Variants in PLXDC2 observed in about 807,000 individuals in gnomAD.
PLXDC2 encodes the protein plexin domain-containing protein 2.
Under a neutral mutation model 68.9 loss-of-function variants are expected in PLXDC2, and 40 were observed. The observed-to-expected ratio is 0.58, with a 90% confidence interval of 0.45 to 0.76. PLXDC2 has a LOEUF of 0.76. Ranked by LOEUF, PLXDC2 falls within the 30% of genes least tolerant of loss-of-function variation. The pLI is 0.00. For missense variants in PLXDC2, 644 were observed against 661.9 expected (o/e 0.97, Z 0.30); for synonymous variants, 243 against 234.2 (o/e 1.04, Z -0.34).
intron 1 of PLXDC2, among the ~76,000 whole-genome samples, chr10:19,970,230 G>A (rs944071658): frequency 2.6e-5 from 4 of 152,054 alleles, no homozygotes; most frequent in Admixed American, 1.3e-4. Flanking sequence ...AGTTTATTCC[G>A]GTCATGAATG....
intron 4 of PLXDC2, among the ~76,000 whole-genome samples, chr10:20,083,695 A>T (rs1008714316): frequency 2.0e-5 from 3 of 152,086 alleles, no homozygotes; most frequent in African/African-American, 7.2e-5. Context: ...TTATTTCCAA[A>T]TTTTTTAGAG....
chr10:20,096,781 T>C (rs1204665526), intron 4 of PLXDC2, among the ~76,000 whole-genome samples: 2 of 152,142 alleles, frequency 1.3e-5, no homozygotes, highest in African/African-American at 4.8e-5. Context: ...AACTTGAAAA[T>C]CCAAGCAGAT....
At chr10:19,996,736 T>C (rs1294913022) in intron 1 of PLXDC2, among the ~76,000 whole-genome samples, 1 of 152,158 alleles carries the variant, frequency 6.6e-6, no homozygotes, top group African/African-American at 2.4e-5. Flanking sequence ...GGGGGTTTAA[T>C]GGACTTACAG....
At chr10:20,076,781 A>G (rs1020658593) in intron 4 of PLXDC2, among the ~76,000 whole-genome samples, 1 of 152,184 alleles carries the variant, frequency 6.6e-6, no homozygotes, top group Admixed American at 6.5e-5. Flanking sequence ...GTAGAATAGC[A>G]TGTAAATAAC....
At chr10:20,163,048 C>A (rs10764208) in intron 6 of PLXDC2, among the ~76,000 whole-genome samples, 133,047 of 152,056 alleles carry the variant, frequency 0.87, 58,484 homozygotes, top group Non-Finnish European at 0.91. Context: ...TGGAGTGAGA[C>A]TGTCCCAAAA....
chr10:20,130,727 T>C (rs549494298), intron 4 of PLXDC2, among the ~76,000 whole-genome samples: 1 of 152,190 alleles, frequency 6.6e-6, no homozygotes, highest in Non-Finnish European at 1.5e-5. Context: ...GTCAAATGCT[T>C]TTTTGCATAT....
intron 1 of PLXDC2, among the ~76,000 whole-genome samples, chr10:19,869,840 T>G (rs912041129): frequency 1.3e-5 from 2 of 152,248 alleles, no homozygotes; most frequent in East Asian, 3.9e-4. Context: ...CAGCTCGCCT[T>G]ACGTTATTGG....
At chr10:20,189,148 A>G (rs1834725765) in intron 9 of PLXDC2, among the ~76,000 whole-genome samples, 1 of 76,092 alleles carries the variant, frequency 1.3e-5, no homozygotes, top group African/African-American at 3.2e-5. Flanking sequence ...TCCAAACCTG[A>G]GTTTAACAAA....
rs151241808 is a variant in PLXDC2, at chr10:20,109,211, C to T, written c.542-34084C>T. On this transcript the variant is annotated intron_variant, in intron 4 of 13. Coordinates refer to ENST00000377252, the MANE Select transcript of PLXDC2 (RefSeq NM_032812.9). ...TGCTTATGCCAGTTAATCTTAATAT[C>T]AAGATGAGTTTTCACCCTCTTGTTG... Among the ~76,000 whole-genome samples the T allele has an allele frequency of 3.4e-3, 525 of 152,290 alleles. 2 individuals are homozygous for T. Among genetic ancestry groups the T allele is most frequent in the Middle Eastern group, 0.024 (7 of 294 alleles).
At chr10:20,256,689 C>T (rs77182510) in intron 13 of PLXDC2, among the ~76,000 whole-genome samples, 2,200 of 149,802 alleles carry the variant, frequency 0.015, 46 homozygotes, top group African/African-American at 0.05. Context: ...TCAGTTTTTC[C>T]CTTGGTGTTG....
At chr10:20,020,249 G>A (rs1190169854) in intron 2 of PLXDC2, among the ~76,000 whole-genome samples, 2 of 139,338 alleles carry the variant, frequency 1.4e-5, no homozygotes, top group Non-Finnish European at 3.0e-5. Flanking sequence ...TGAACTCCCA[G>A]CATCAAGCAA....
At chr10:20,082,045 G>GAAAAAAAAAAA (rs1439512108) in intron 4 of PLXDC2, among the ~76,000 whole-genome samples, 41 of 9,460 alleles carry the variant, frequency 4.3e-3, no homozygotes, top group Non-Finnish European at 6.0e-3. Flanking sequence ...AACTCCATCT[G>GAAAAAAAAAAA]AAAAAAAAAA....
intron 13 of PLXDC2, among the ~76,000 whole-genome samples, chr10:20,253,370 G>GATAATAATA (rs3051539): frequency 3.1e-3 from 454 of 145,564 alleles, no homozygotes; most frequent in East Asian, 0.025. Context: ...GTCTCAAAAT[G>GATAATAATA]ATAATAATAA....
chr10:20,182,071 T>TTGTGTGTGTGTGTGTGTGTG (rs111252782), intron 9 of PLXDC2, among the ~76,000 whole-genome samples: 26 of 146,562 alleles, frequency 1.8e-4, no homozygotes, highest in South Asian at 1.7e-3. Context: ...AACCGGTTAT[T>TTGTGTGTGTGTGTGTGTGTG]TGTGTGTGTG....
At chr10:20,160,145 G>C (rs1834271669) in intron 6 of PLXDC2, among the ~76,000 whole-genome samples, 1 of 152,056 alleles carries the variant, frequency 6.6e-6, no homozygotes, top group Non-Finnish European at 1.5e-5. Flanking sequence ...TGAATGAATG[G>C]ATTCTATCTT....
intron 4 of PLXDC2, among the ~76,000 whole-genome samples, chr10:20,127,416 A>G (rs961821697): frequency 6.6e-6 from 1 of 152,330 alleles, no homozygotes; most frequent in South Asian, 2.1e-4. Context: ...AAATTGTACA[A>G]TAAAATTTGT....
intron 13 of PLXDC2, among the ~76,000 whole-genome samples, chr10:20,272,976 G>C (rs1462616870): frequency 2.0e-5 from 3 of 152,190 alleles, no homozygotes; most frequent in Non-Finnish European, 4.4e-5. Flanking sequence ...AAGTTAATCC[G>C]GGTTTGGAAT....
At chr10:20,165,782 C>T (rs1055003960) in intron 7 of PLXDC2, among the ~76,000 whole-genome samples, 4 of 152,080 alleles carry the variant, frequency 2.6e-5, no homozygotes, top group Non-Finnish European at 2.9e-5. Flanking sequence ...TAAAAAGGGA[C>T]GTGTTGCTTT....
intron 4 of PLXDC2, among the ~76,000 whole-genome samples, chr10:20,123,072 G>A (rs180901140): frequency 6.6e-6 from 1 of 152,266 alleles, no homozygotes; most frequent in African/African-American, 2.4e-5. Context: ...AGAGTAAATT[G>A]CTGGGCAGGT....
Sources: allele counts gnomAD v4.1 joint callset (sites outside exome capture counted in the v4.1 genomes callset), GRCh38; gene constraint gnomAD v4.1.1; transcripts MANE v1.5; gene names NCBI Gene and HGNC (gene_info 2026-07-23, HGNC 2026-07-21).